ZC3H12D: variants seen among roughly 807,000 people sequenced by gnomAD.
ZC3H12D encodes probable ribonuclease ZC3H12D.
A neutral mutation model predicts 24.2 loss-of-function variants in ZC3H12D; 11 were observed. That is an observed-to-expected ratio of 0.46 (90% CI 0.29 to 0.75). ZC3H12D has a LOEUF of 0.75. Among genes scored for constraint, ZC3H12D ranks in the 30% least tolerant of loss-of-function variants. The probability of loss-of-function intolerance (pLI) is 0.11; values close to 1 mark genes in which losing one functional copy is unlikely to be tolerated. For missense variants in ZC3H12D, 740 were observed against 767.7 expected (o/e 0.96, Z 0.43); for synonymous variants, 333 against 341.8 (o/e 0.97, Z 0.28).
Position 149,474,390 on chromosome 6 carries a change from G to T in ZC3H12D, c.154C>A (p.His52Asn). ...RTGSRPGALE[H>N]PAAPRLVPRG... ...GGCACTAGCCTGGGTGCAGCCGGGT[G>T]CTCCAGGGCACCCGGGCGGCTGCCC... is the stretch of plus-strand genomic sequence containing the variant. Residue 52 changes from histidine (H) to asparagine (N), a missense_variant, in exon 2 of 6, where the codon CAC becomes AAC. By Grantham distance (68) the His-to-Asn change is moderately conservative (BLOSUM62 1). Coordinates refer to ENST00000409806, the MANE Select transcript of ZC3H12D (RefSeq NM_207360.3). The T allele has an allele frequency of 1.2e-6, 2 of 1,608,106 alleles. No homozygotes were observed. Among genetic ancestry groups the T allele is most frequent in the Admixed American group, 1.7e-5 (1 of 59,784 alleles).
intron 1 of ZC3H12D, among the ~76,000 whole-genome samples, chr6:149,475,121 G>A (rs1328573666): frequency 1.3e-5 from 2 of 152,194 alleles, no homozygotes; most frequent in African/African-American, 4.8e-5. Flanking sequence ...AAGACTCAGG[G>A]AGAAGGGAGA....
At chr6:149,468,808 A>C (rs1275487756) in intron 2 of ZC3H12D, among the ~76,000 whole-genome samples, 1 of 152,050 alleles carries the variant, frequency 6.6e-6, no homozygotes, top group African/African-American at 2.4e-5. Context: ...ATAAACCCCC[A>C]CCATTCTCTT....
At chr6:149,480,475 C>T (rs1776406868) in intron 1 of ZC3H12D, among the ~76,000 whole-genome samples, 1 of 152,188 alleles carries the variant, frequency 6.6e-6, no homozygotes, top group Admixed American at 6.5e-5. Context: ...ACAATAGATA[C>T]CAGAACTGAC....
At chr6:149,481,713 T>C (rs771301170) in intron 1 of ZC3H12D, among the ~76,000 whole-genome samples, 8 of 148,696 alleles carry the variant, frequency 5.4e-5, no homozygotes, top group African/African-American at 2.0e-4. Flanking sequence ...CCGTTACACC[T>C]GGTGGGAAGA....
chr6:149,453,633 A>T (rs1347278328), intron 4 of ZC3H12D, among the ~76,000 whole-genome samples: 1 of 152,192 alleles, frequency 6.6e-6, no homozygotes, highest in Non-Finnish European at 1.5e-5. Context: ...TTCTCCAAAA[A>T]AAAAGAACTT....
intron 2 of ZC3H12D, among the ~76,000 whole-genome samples, chr6:149,465,846 G>A (rs113967001): frequency 0.018 from 2,743 of 151,786 alleles, 78 homozygotes; most frequent in African/African-American, 0.063. Flanking sequence ...GAAGGAGGAG[G>A]AGGTCCTCAC....
At position 149,474,319 on chromosome 6, in the gene ZC3H12D, C is replaced by G. The variant is rs754384750; in HGVS notation, c.225G>C (p.Gly75=). The part of the protein sequence containing the change: ...GVPDSAQRGP[G]TALEEDFRTL... ...TTCTGAAGTCCTCTTCCAGGGCTGTCCCCGGGCCACGCTGGGCAGAGTCCG... is the reference window on the plus strand; with the variant it reads ...TTCTGAAGTCCTCTTCCAGGGCTGTGCCCGGGCCACGCTGGGCAGAGTCCG... Residue 75 remains glycine, a synonymous_variant, in exon 2 of 6, where the codon GGG becomes GGC. Transcript: ENST00000409806. 267 of 1,593,154 alleles carry G rather than the reference C, an allele frequency of 1.7e-4. No individual in the cohort carries two copies. Among genetic ancestry groups the G allele is most frequent in the Non-Finnish European group, 2.3e-4 (263 of 1,165,674 alleles).
chr6:149,469,441 G>C (rs983443080), intron 2 of ZC3H12D, among the ~76,000 whole-genome samples: 3 of 151,864 alleles, frequency 2.0e-5, no homozygotes, highest in Non-Finnish European at 4.4e-5. Flanking sequence ...CTGGGCGACA[G>C]AGCGAGACTC....
chr6:149,469,073 G>A (rs1776204159), intron 2 of ZC3H12D, among the ~76,000 whole-genome samples: 1 of 152,168 alleles, frequency 6.6e-6, no homozygotes, highest in Admixed American at 6.5e-5. Flanking sequence ...TTCCCCCCAA[G>A]GTTGTACTTT....
rs182448752 is a variant in ZC3H12D, at chr6:149,467,992, T to G, written c.306-6022A>C. On this transcript the variant is annotated intron_variant, in intron 2 of 5. Coordinates refer to ENST00000409806, the MANE Select transcript of ZC3H12D (RefSeq NM_207360.3). ...GGGAGTTTTGTTTTTGTTTTCTGTT[T>G]GTTTTTGAGACGGAGTTTTGTTCTT... Among the ~76,000 whole-genome samples, 492 of 152,338 alleles carry G rather than the reference T, an allele frequency of 3.2e-3. 4 individuals are homozygous for G. The highest frequency in any genetic ancestry group is 0.011 in the African/African-American group (459 of 41,574).
At position 149,456,616 on chromosome 6, in the gene ZC3H12D, G is replaced by GGGGGGGCCC; in HGVS notation, c.680+49_680+50insGGGCCCCCC. The GGGGGGGCCC allele has an allele frequency of 8.8e-7, 1 of 1,130,410 alleles. No individual in the cohort carries two copies. The highest frequency in any genetic ancestry group is 1.3e-6 in the Non-Finnish European group (1 of 763,264). 70.0% of individuals were successfully genotyped at this position (1,130,410 alleles called of 1,614,324 possible). ...AGGCGTGGCCACTGCCTCGACCCCG[G>GGGGGGGCCC]CCCCCCGCCCCGCCGCCCCCCAGGG... On this transcript the variant is annotated intron_variant, in intron 4 of 5. Coordinates refer to ENST00000409806, the MANE Select transcript of ZC3H12D (RefSeq NM_207360.3). The surrounding 1 kb of genome is among the most constrained non-coding windows in gnomAD (Gnocchi z 4.3).
Position 149,450,684 on chromosome 6 carries a change from T to C in ZC3H12D, c.1583A>G (p.Ter528=), listed in dbSNP as rs746396225. The change falls in exon 6 of 6, where the codon TAA becomes TGA. Residue 528 remains the stop codon, a stop_retained_variant. Transcript: ENST00000409806. ...TCCCTGCAAGTGCGTGTTGGTCCCT[T>C]AGGGCTTGCCCAGGGGCGCCCCCGC... ...QSAGAPLGKP[*] is the part of the protein sequence containing the mutation. 7.9e-6 allele frequency: 12 copies of C among 1,525,180 alleles called. No individual in the cohort carries two copies. Among genetic ancestry groups the C allele is most frequent in the Non-Finnish European group, 1.1e-5 (12 of 1,134,058 alleles). The allele number at this position is 1,525,180 out of a possible 1,614,324, so 94.5% of individuals were successfully genotyped here.
chr6:149,465,604 A>T (rs1456705061), intron 2 of ZC3H12D, among the ~76,000 whole-genome samples: 3 of 151,762 alleles, frequency 2.0e-5, no homozygotes, highest in Non-Finnish European at 4.4e-5. Context: ...AATACAAAAA[A>T]TTTAGCTAGG....
At chr6:149,477,751 C>T (rs1011205011) in intron 1 of ZC3H12D, among the ~76,000 whole-genome samples, 1 of 152,176 alleles carries the variant, frequency 6.6e-6, no homozygotes, top group South Asian at 2.1e-4. Flanking sequence ...TACTTAAGTG[C>T]TATGGGAACT....
intron 2 of ZC3H12D, among the ~76,000 whole-genome samples, chr6:149,467,360 C>T (rs910764087): frequency 6.6e-6 from 1 of 152,086 alleles, no homozygotes; most frequent in Non-Finnish European, 1.5e-5. Flanking sequence ...TCAAGCAGTC[C>T]TCCCACCTCA....
intron 1 of ZC3H12D, among the ~76,000 whole-genome samples, chr6:149,480,491 G>A (rs746518787): frequency 1.3e-5 from 2 of 152,192 alleles, no homozygotes; most frequent in Non-Finnish European, 2.9e-5. Context: ...CTGACTGGGC[G>A]CAGTGGCTTA....
chr6:149,456,623 G>GGGGGGACGGCC lies in ZC3H12D; in HGVS notation c.680+42_680+43insGGCCGTCCCCC. The GGGGGGACGGCC allele has an allele frequency of 4.0e-6, 3 of 744,586 alleles. No homozygotes were observed. The highest frequency in any genetic ancestry group is 6.6e-6 in the Non-Finnish European group (3 of 456,104). The allele number at this position is 744,586 out of a possible 1,614,324, so 46.1% of individuals were successfully genotyped here. A position where few individuals can be genotyped will look rare whatever the true frequency, so the allele number is the denominator to read the frequency against. ...GCCACTGCCTCGACCCCGGCCCCCC[G>GGGGGGACGGCC]CCCCGCCGCCCCCCAGGGTGTCAGG... On this transcript the variant is annotated intron_variant, in intron 4 of 5. Transcript: ENST00000409806. The surrounding 1 kb of genome is among the most constrained non-coding windows in gnomAD (Gnocchi z 4.3).
chr6:149,453,128 C>CAAAAAA (rs59814309), intron 4 of ZC3H12D, among the ~76,000 whole-genome samples: 3 of 106,104 alleles, frequency 2.8e-5, no homozygotes, highest in Non-Finnish European at 4.0e-5. Context: ...CTACAGAAAG[C>CAAAAAA]AAAAAAAAAA....
chr6:149,457,715 G>A (rs1261962727), intron 3 of ZC3H12D, among the ~76,000 whole-genome samples: 1 of 152,120 alleles, frequency 6.6e-6, no homozygotes, highest in Non-Finnish European at 1.5e-5. Context: ...TCTTATCAGA[G>A]GCTAAAATCT....
Sources: gnomAD v4.1 joint callset for allele counts (sites outside exome capture counted in the v4.1 genomes callset) on GRCh38, gnomAD v4.1.1 for gene constraint, Gnocchi (gnomAD v3.1) non-coding constraint, MANE v1.5 for transcripts, NCBI Gene and HGNC (gene_info 2026-07-23, HGNC 2026-07-21) for gene names.